The following ARMC2 variants were observed in gnomAD, a reference collection of about 807,000 sequenced individuals.
The protein encoded by ARMC2 is armadillo repeat containing 2.
Under a neutral mutation model 90.3 loss-of-function variants are expected in ARMC2, and 67 were observed. The observed-to-expected ratio is 0.74, with a 90% CI of 0.61 to 0.91. The LOEUF (loss-of-function observed/expected upper bound fraction) is 0.91. ARMC2 is among the 40% of genes least tolerant of loss of function. The pLI is 0.00. For missense variants in ARMC2, 920 were observed against 1,030.9 expected, an observed-to-expected ratio of 0.89 and a Z score of 1.47; for synonymous variants, 393 against 393.0, an observed-to-expected ratio of 1.00 and a Z score of 0.00.
At chr6:109,010,273 G>A in the ARMC2 span, among the ~76,000 whole-genome samples, 1 of 152,120 alleles carries the variant, frequency 6.6e-6, no homozygotes, top group African/African-American at 2.4e-5. Context: ...AGGTTACAAA[G>A]GAGAAAAACA....
intron 1 of ARMC2, among the ~76,000 whole-genome samples, chr6:108,853,691 T>C (rs1490966388): frequency 6.6e-6 from 1 of 152,230 alleles, no homozygotes; most frequent in East Asian, 1.9e-4. Context: ...ATTTATTTAC[T>C]TAGGTCATTA....
chr6:108,935,046 A>G (rs1424199095), intron 11 of ARMC2, among the ~76,000 whole-genome samples: 1 of 152,210 alleles, frequency 6.6e-6, no homozygotes, highest in Non-Finnish European at 1.5e-5. Context: ...TCACACAACT[A>G]GTATGTCATA....
intron 15 of ARMC2, 30 bp downstream of exon 15, chr6:108,962,157 A>T: frequency 6.6e-7 from 1 of 1,521,960 alleles, no homozygotes; most frequent in Non-Finnish European, 9.0e-7. Flanking sequence ...ATTCATAAAC[A>T]TTCACTTTTT....
chr6:108,997,264 AT>A, the ARMC2 span, among the ~76,000 whole-genome samples: 1 of 152,190 alleles, frequency 6.6e-6, no homozygotes, highest in Non-Finnish European at 1.5e-5. Flanking sequence ...ACTAGAAACA[AT>A]CAAGTACTTT....
chr6:108,886,286 G>A (rs1169896980), intron 5 of ARMC2, among the ~76,000 whole-genome samples: 3 of 152,192 alleles, frequency 2.0e-5, no homozygotes, highest in Non-Finnish European at 4.4e-5. Context: ...AGCCAGGTCC[G>A]GTGGCTCACG....
At chr6:108,941,259 G>C (rs572359157) in intron 12 of ARMC2, among the ~76,000 whole-genome samples, 1 of 152,224 alleles carries the variant, frequency 6.6e-6, no homozygotes, top group African/African-American at 2.4e-5. Flanking sequence ...CTGCTCCCCT[G>C]TGAGGCCTCC....
chr6:108,935,648 A>C (rs1219022750), intron 11 of ARMC2, among the ~76,000 whole-genome samples: 1 of 151,932 alleles, frequency 6.6e-6, no homozygotes, highest in African/African-American at 2.4e-5. Flanking sequence ...TCGCCATGTT[A>C]GCCAGGCTGG....
the ARMC2 span, among the ~76,000 whole-genome samples, chr6:109,030,364 A>AT: frequency 1.3e-5 from 2 of 152,250 alleles, no homozygotes; most frequent in Non-Finnish European, 2.9e-5. Context: ...TGTCCAGAGC[A>AT]TTTATGTAAA....
chr6:108,962,039 C>A lies in ARMC2; in HGVS notation c.2064C>A (p.Asn688Lys). The A allele has an allele frequency of 6.2e-7, 1 of 1,612,810 alleles. No homozygotes were observed. The highest frequency in any genetic ancestry group is 8.5e-7 in the Non-Finnish European group (1 of 1,179,528). The part of the protein sequence containing the change: ...AELLLKLLVS[N>K]NMDGILEAVR... The stretch of plus-strand genomic sequence containing the variant: ...TGCTCTTAAAGCTTCTTGTCAGTAA[C>A]AACATGGATGGAATCCTGGAGGCTG... The change falls in exon 15 of 18, where the codon AAC (asparagine) becomes AAA (lysine). Residue 688 changes from asparagine (N) to lysine (K), a missense_variant. Asn to Lys is a moderately conservative substitution (Grantham distance 94). Transcript: ENST00000392644.
chr6:108,951,049 G>A (rs578148863), intron 12 of ARMC2, among the ~76,000 whole-genome samples: 59 of 152,272 alleles, frequency 3.9e-4, no homozygotes, highest in Middle Eastern at 3.4e-3. Flanking sequence ...AGTACAATTT[G>A]TGCTTTGCCT....
At chr6:108,910,364 G>A (rs1773287334) in intron 8 of ARMC2, among the ~76,000 whole-genome samples, 1 of 152,192 alleles carries the variant, frequency 6.6e-6, no homozygotes, top group Non-Finnish European at 1.5e-5. Flanking sequence ...GCTGAGGCAA[G>A]AGAGTTGATT....
intron 5 of ARMC2, 89 bp from the exon 6 acceptor site, chr6:108,894,378 A>G: frequency 8.8e-7 from 1 of 1,136,356 alleles, no homozygotes; most frequent in Non-Finnish European, 1.2e-6. Flanking sequence ...AAAATAATAA[A>G]TAAGAAACTG....
chr6:109,045,023 CAA>C, the ARMC2 span, among the ~76,000 whole-genome samples: 1 of 140,914 alleles, frequency 7.1e-6, no homozygotes, highest in Non-Finnish European at 1.6e-5. Context: ...GACTCCATTT[CAA>C]AAAAAAAAAA....
chr6:108,851,407 C>T (rs1226723234), intron 1 of ARMC2, among the ~76,000 whole-genome samples: 1 of 152,156 alleles, frequency 6.6e-6, no homozygotes, highest in East Asian at 1.9e-4. Context: ...TTTATTGCTG[C>T]CATCAGTTTC....
chr6:108,992,842 T>C, the ARMC2 span: 1 of 1,613,822 alleles, frequency 6.2e-7, no homozygotes, highest in East Asian at 2.2e-5. Flanking sequence ...TTTATAGCCA[T>C]AACTAGTATC....
At chr6:108,946,021 T>G (rs1334753887) in intron 12 of ARMC2, among the ~76,000 whole-genome samples, 1 of 152,254 alleles carries the variant, frequency 6.6e-6, no homozygotes, top group Non-Finnish European at 1.5e-5. Flanking sequence ...TGAGAGCATT[T>G]GGCTGAGCTT....
chr6:108,851,804 C>G (rs1582909833), intron 1 of ARMC2, among the ~76,000 whole-genome samples: 1 of 152,136 alleles, frequency 6.6e-6, no homozygotes, highest in Non-Finnish European at 1.5e-5. Context: ...AAGATTCTAT[C>G]CACCTTGCAA....
At chr6:109,020,739 G>GCATT in the ARMC2 span, among the ~76,000 whole-genome samples, 1 of 152,126 alleles carries the variant, frequency 6.6e-6, no homozygotes, top group Non-Finnish European at 1.5e-5. Flanking sequence ...AACTGACAGA[G>GCATT]CATTACCTGC....
the ARMC2 span, among the ~76,000 whole-genome samples, chr6:109,034,965 C>G: frequency 6.6e-6 from 1 of 152,202 alleles, no homozygotes; most frequent in Non-Finnish European, 1.5e-5. Flanking sequence ...GAAGCCTAAT[C>G]TCATCCTAAA....
Sources: allele counts gnomAD v4.1 joint callset (sites outside exome capture counted in the v4.1 genomes callset), GRCh38; gene constraint gnomAD v4.1.1; transcripts MANE v1.5; gene names NCBI Gene and HGNC (gene_info 2026-07-23, HGNC 2026-07-21).